DGKB: variants seen among roughly 807,000 people sequenced by gnomAD.
DGKB encodes the protein diacylglycerol kinase beta, also known as 90 kDa diacylglycerol kinase.
Under a neutral mutation model 114.3 loss-of-function variants are expected in DGKB, and 67 were observed. The observed-to-expected ratio is 0.59, with a 90% CI of 0.48 to 0.72. The LOEUF is 0.72. Among genes scored for constraint, DGKB ranks in the 30% least tolerant of loss-of-function variants. The probability of loss-of-function intolerance (pLI) is 0.00; values close to 1 mark genes in which losing one functional copy is unlikely to be tolerated. For missense variants in DGKB, 907 were observed against 975.2 expected, an observed-to-expected ratio of 0.93 and a Z score of 0.93; for synonymous variants, 398 against 323.1, an observed-to-expected ratio of 1.23 and a Z score of -2.49.
intron 2 of DGKB, among the ~76,000 whole-genome samples, chr7:14,769,382 T>C (rs1357386922): frequency 2.6e-5 from 4 of 152,072 alleles, no homozygotes; most frequent in African/African-American, 9.7e-5. Flanking sequence ...GAAGAGCAGT[T>C]GCAATGTGTA....
At chr7:14,783,697 C>T (rs1454193140) in intron 2 of DGKB, among the ~76,000 whole-genome samples, 3 of 152,130 alleles carry the variant, frequency 2.0e-5, no homozygotes, top group Non-Finnish European at 4.4e-5. Flanking sequence ...TTGGCAATTA[C>T]CTTTCTCCAC....
At chr7:14,677,621 A>AC (rs1278513679) in intron 12 of DGKB, among the ~76,000 whole-genome samples, 1 of 152,044 alleles carries the variant, frequency 6.6e-6, no homozygotes, top group Non-Finnish European at 1.5e-5. Context: ...GTCCTGCCTG[A>AC]CCAGTGAGAG....
intron 13 of DGKB, among the ~76,000 whole-genome samples, chr7:14,647,186 CACT>C (rs759338221): frequency 2.0e-5 from 3 of 152,040 alleles, no homozygotes; most frequent in African/African-American, 7.2e-5. Flanking sequence ...AACAACTATA[CACT>C]ACCACACTGG....
intron 20 of DGKB, among the ~76,000 whole-genome samples, chr7:14,562,668 T>A (rs1229361460): frequency 6.6e-6 from 1 of 152,130 alleles, no homozygotes; most frequent in African/African-American, 2.4e-5. Context: ...ACTTCCCTTT[T>A]GTTTTGGACG....
At chr7:14,615,721 A>G (rs1806386091) in intron 15 of DGKB, among the ~76,000 whole-genome samples, 1 of 151,786 alleles carries the variant, frequency 6.6e-6, no homozygotes, top group Admixed American at 6.6e-5. Flanking sequence ...TACTTCTCTC[A>G]TTATTGAGTA....
intron 21 of DGKB, among the ~76,000 whole-genome samples, chr7:14,450,804 T>A (rs1249072453): frequency 6.6e-6 from 1 of 151,964 alleles, no homozygotes; most frequent in Non-Finnish European, 1.5e-5. Flanking sequence ...TAGACCTTAT[T>A]AGGTTGGAGG....
chr7:14,628,394 A>G (rs1006766864), intron 14 of DGKB, among the ~76,000 whole-genome samples: 11 of 151,866 alleles, frequency 7.2e-5, no homozygotes, highest in African/African-American at 2.7e-4. Flanking sequence ...ATTAATAATA[A>G]AAATAGTATT....
chr7:14,295,574 T>A (rs1174950186), intron 23 of DGKB, among the ~76,000 whole-genome samples: 1 of 152,132 alleles, frequency 6.6e-6, no homozygotes. Context: ...CTATTTTTTT[T>A]TTAATAGATA....
At chr7:14,182,554 C>T (rs1477694386) in intron 23 of DGKB, among the ~76,000 whole-genome samples, 1 of 152,028 alleles carries the variant, frequency 6.6e-6, no homozygotes, top group Non-Finnish European at 1.5e-5. Context: ...TGGTAAGGAA[C>T]CCTACTTTAG....
chr7:14,723,744 C>T (rs1157792452), intron 5 of DGKB, among the ~76,000 whole-genome samples: 1 of 152,104 alleles, frequency 6.6e-6, no homozygotes, highest in African/African-American at 2.4e-5. Flanking sequence ...TATATATACA[C>T]ATACATACAT....
rs576926601 is a variant in DGKB, at chr7:14,601,052, C to G, written c.1433+6382G>C. The stretch of plus-strand genomic sequence containing the variant: ...CTGGGGATCTCAAGGACCTCTCCAT[C>G]CTTTGAAATCTAGGCAGAGGTAGGC... On this transcript the variant is annotated intron_variant, in intron 17 of 25. Coordinates refer to ENST00000402815, the MANE Select transcript of DGKB (RefSeq NM_001350709.2). 2.0e-5 allele frequency among the ~76,000 whole-genome samples: 3 copies of G among 152,310 alleles called. No individual in the cohort carries two copies. The East Asian group carries it at 5.8e-4, about 29-fold the overall frequency.
Position 14,607,452 on chromosome 7 carries a change from C to T in DGKB, c.1415G>A (p.Gly472Glu), listed in dbSNP as rs533895069. 6.4e-7 allele frequency: 1 copy of T among 1,572,044 alleles called. No individual in the cohort carries two copies. The highest frequency in any genetic ancestry group is 2.3e-5 in the East Asian group (1 of 44,356). Residue 472 changes from glycine (G) to glutamate (E), a missense_variant, in exon 17 of 26, where the codon GGA becomes GAA. Gly to Glu is a moderately conservative substitution (Grantham distance 98). Coordinates refer to ENST00000402815, the MANE Select transcript of DGKB (RefSeq NM_001350709.2). ...GACTTACCCTGGCATTGGTCCATTT[C>T]CAGAAAGACTGTAAACCTGACGAGG... ...LNPRQVYSLS[G>E]NGPMPGLNFF...
chr7:14,855,883 T>C (rs2128169489), intron 1 of DGKB, among the ~76,000 whole-genome samples: 1 of 152,090 alleles, frequency 6.6e-6, no homozygotes, highest in African/African-American at 2.4e-5. Context: ...AATAGAAACA[T>C]AAAACTTTAA....
intron 23 of DGKB, among the ~76,000 whole-genome samples, chr7:14,322,717 T>C (rs776306400): frequency 9.8e-5 from 15 of 152,288 alleles, no homozygotes; most frequent in Middle Eastern, 3.4e-3. Context: ...CAAAAGATTC[T>C]AGTTCCTTCA....
intron 2 of DGKB, among the ~76,000 whole-genome samples, chr7:14,782,825 G>T (rs752280546): frequency 3.1e-4 from 47 of 151,820 alleles, no homozygotes; most frequent in Non-Finnish European, 6.3e-4. Context: ...TTGCTCACAT[G>T]ATTATATATA....
intron 2 of DGKB, among the ~76,000 whole-genome samples, chr7:14,777,868 C>T (rs1403970341): frequency 6.6e-6 from 1 of 151,998 alleles, no homozygotes; most frequent in South Asian, 2.1e-4. Flanking sequence ...TTAATTTGCC[C>T]TTGAGCAAGT....
intron 2 of DGKB, among the ~76,000 whole-genome samples, chr7:14,808,742 G>A (rs775207493): frequency 1.7e-4 from 26 of 152,100 alleles, no homozygotes; most frequent in Non-Finnish European, 2.9e-4. Context: ...GCCAGCAGAC[G>A]CCAAGAGGCT....
intron 20 of DGKB, among the ~76,000 whole-genome samples, chr7:14,547,344 C>T (rs1336082919): frequency 6.6e-6 from 1 of 152,096 alleles, no homozygotes; most frequent in African/African-American, 2.4e-5. Context: ...ATAGTTACTT[C>T]TGTCTTTCCA....
intron 21 of DGKB, among the ~76,000 whole-genome samples, chr7:14,392,989 G>GTTTTTGTTTTTGTTTTTTTTTTTT (rs1554404696): frequency 9.8e-5 from 1 of 10,168 alleles, no homozygotes; most frequent in Non-Finnish European, 4.9e-4. Context: ...CCTGTTTTTT[G>GTTTTTGTTTTTGTTTTTTTTTTTT]TTTTTGTTTT....
Sources: allele counts gnomAD v4.1 joint callset (sites outside exome capture counted in the v4.1 genomes callset), GRCh38; gene constraint gnomAD v4.1.1; transcripts MANE v1.5; gene names NCBI Gene and HGNC (gene_info 2026-07-23, HGNC 2026-07-21).